The following SGCZ variants were observed in gnomAD, a reference collection of about 807,000 sequenced individuals.
The protein encoded by SGCZ is zeta-sarcoglycan.
In SGCZ, 40 loss-of-function variants were observed where a neutral mutation model predicts 41.3. That is an observed-to-expected ratio of 0.97 (90% confidence interval 0.75 to 1.26). The LOEUF (loss-of-function observed/expected upper bound fraction) is 1.26, where lower values mean the gene tolerates loss of function less well. Ranked by LOEUF, SGCZ falls within the 50% of genes most tolerant of loss-of-function variation. SGCZ has a pLI of 0.00. For missense variants in SGCZ, 552 were observed against 369.8 expected, an observed-to-expected ratio of 1.49 and a Z score of -4.04; for synonymous variants, 206 against 137.5, an observed-to-expected ratio of 1.50 and a Z score of -3.49.
chr8:15,026,109 A>C (rs1803447454), intron 1 of SGCZ, among the ~76,000 whole-genome samples: 1 of 151,948 alleles, frequency 6.6e-6, no homozygotes, highest in Non-Finnish European at 1.5e-5. Flanking sequence ...ATAGTATTCC[A>C]ATAAGGTTTG....
intron 1 of SGCZ, among the ~76,000 whole-genome samples, chr8:15,178,065 C>T (rs1159561709): frequency 6.6e-6 from 1 of 152,098 alleles, no homozygotes; most frequent in Non-Finnish European, 1.5e-5. Flanking sequence ...GTAAACATTC[C>T]ACTCTGAATT....
At chr8:14,152,173 T>TTA (rs143252255) in intron 5 of SGCZ, among the ~76,000 whole-genome samples, 26,638 of 151,616 alleles carry the variant, frequency 0.18, 3,261 homozygotes, top group East Asian at 0.63. Flanking sequence ...ATTTGCAAAC[T>TTA]TATATATATA....
intron 2 of SGCZ, among the ~76,000 whole-genome samples, chr8:14,352,940 C>A (rs1405859989): frequency 6.6e-6 from 1 of 152,062 alleles, no homozygotes; most frequent in African/African-American, 2.4e-5. Context: ...CATTTGATTT[C>A]TTTTGCTTTT....
intron 1 of SGCZ, among the ~76,000 whole-genome samples, chr8:14,590,041 T>C (rs965873567): frequency 2.6e-5 from 4 of 152,160 alleles, no homozygotes; most frequent in African/African-American, 9.7e-5. Flanking sequence ...TCCTTCTTTC[T>C]TTGCTACTTT....
At chr8:14,093,509 CA>C (rs1801751091) in intron 7 of SGCZ, among the ~76,000 whole-genome samples, 1 of 152,008 alleles carries the variant, frequency 6.6e-6, no homozygotes, top group Admixed American at 6.6e-5. Context: ...TCAAAAATAG[CA>C]AAAGCACTAT....
At chr8:14,489,082 T>C (rs1402887476) in intron 2 of SGCZ, among the ~76,000 whole-genome samples, 3 of 91,600 alleles carry the variant, frequency 3.3e-5, no homozygotes, top group Non-Finnish European at 8.0e-5. Context: ...GAACGCATCT[T>C]TTTTTTCAGG....
At chr8:14,911,584 T>C (rs1799281097) in intron 1 of SGCZ, among the ~76,000 whole-genome samples, 1 of 152,030 alleles carries the variant, frequency 6.6e-6, no homozygotes, top group South Asian at 2.1e-4. Flanking sequence ...AAATGATAAA[T>C]ACTTCACTGA....
intron 3 of SGCZ, among the ~76,000 whole-genome samples, chr8:14,300,121 A>G (rs1369087747): frequency 6.6e-6 from 1 of 152,018 alleles, no homozygotes; most frequent in Non-Finnish European, 1.5e-5. Flanking sequence ...GGAAATAGCA[A>G]CATTTTGATT....
chr8:14,322,129 T>C (rs1801936936), intron 3 of SGCZ, among the ~76,000 whole-genome samples: 1 of 152,130 alleles, frequency 6.6e-6, no homozygotes, highest in South Asian at 2.1e-4. Flanking sequence ...GAGATTTCGT[T>C]CATGTTTATT....
intron 1 of SGCZ, among the ~76,000 whole-genome samples, chr8:15,052,697 G>A (rs929558949): frequency 3.9e-5 from 6 of 152,056 alleles, no homozygotes; most frequent in South Asian, 2.1e-4. Flanking sequence ...TTATGGACAC[G>A]TGCATTTTAG....
intron 1 of SGCZ, among the ~76,000 whole-genome samples, chr8:14,998,261 G>T (rs942499241): frequency 6.6e-6 from 1 of 152,126 alleles, no homozygotes; most frequent in African/African-American, 2.4e-5. Flanking sequence ...AAACCGTTAA[G>T]AATATAACAG....
At chr8:14,941,693 T>C (rs1277186577) in intron 1 of SGCZ, among the ~76,000 whole-genome samples, 1 of 151,874 alleles carries the variant, frequency 6.6e-6, no homozygotes, top group African/African-American at 2.4e-5. Flanking sequence ...TTTAGTATTT[T>C]TCTGAATATT....
intron 3 of SGCZ, among the ~76,000 whole-genome samples, chr8:14,265,520 A>T (rs11203590): frequency 6.6e-6 from 1 of 151,898 alleles, no homozygotes; most frequent in Non-Finnish European, 1.5e-5. Context: ...TAGACAATTC[A>T]GATGTTAGCT....
chr8:14,560,522 C>T lies in SGCZ; in HGVS notation c.40-5596G>A, dbSNP rs181941963. ...CCTCACTGGCAAGTAGGAGACCTTC[C>T]CCTTGTAGAGTTGGTCTCTGAAAAT... On this transcript the variant is annotated intron_variant, in intron 1 of 7. Coordinates refer to ENST00000382080, the MANE Select transcript of SGCZ (RefSeq NM_139167.4). 7.9e-5 allele frequency among the ~76,000 whole-genome samples: 12 copies of T among 152,012 alleles called. No homozygotes were observed. In the East Asian group the frequency reaches 1.6e-3, roughly 20 times the overall value.
In SGCZ at chr8:14,760,474, C is replaced by T. The variant is rs138083519; in HGVS notation, c.40-205548G>A. Among the ~76,000 whole-genome samples, 565 of 152,204 alleles carry T rather than the reference C, an allele frequency of 3.7e-3. 4 individuals are homozygous for T. The highest frequency in any genetic ancestry group is 8.1e-3 in the African/African-American group (335 of 41,526). On this transcript the variant is annotated intron_variant, in intron 1 of 7. Coordinates refer to ENST00000382080, the MANE Select transcript of SGCZ (RefSeq NM_139167.4). ...TATATCTTTAAATTCGTTTGTCTGC[C>T]TTAATAAACCAATATATTGGAATTT...
intron 1 of SGCZ, among the ~76,000 whole-genome samples, chr8:14,799,759 T>G (rs1450026483): frequency 1.3e-5 from 2 of 152,110 alleles, no homozygotes; most frequent in African/African-American, 4.8e-5. Context: ...CAACCTTCTC[T>G]AAAACCTCAT....
chr8:15,108,035 T>C (rs1211791566), intron 1 of SGCZ, among the ~76,000 whole-genome samples: 1 of 152,224 alleles, frequency 6.6e-6, no homozygotes, highest in Non-Finnish European at 1.5e-5. Context: ...GATTTACTAA[T>C]AGTTTTTGTT....
intron 2 of SGCZ, among the ~76,000 whole-genome samples, chr8:14,352,265 T>C (rs1042262385): frequency 1.3e-5 from 2 of 152,010 alleles, no homozygotes; most frequent in Non-Finnish European, 2.9e-5. Context: ...TATCAGCTAC[T>C]GAGTGAGGAA....
rs1028025973 is a variant in SGCZ at position 14,808,319 on chromosome 8, C to T, written c.40-253393G>A. On this transcript the variant is annotated intron_variant, in intron 1 of 7. Transcript: ENST00000382080. ...AACCTACAAAATGGGAGAAAATTTTCGCAACCTACTCATCTGACAAAGGGC... is the reference window on the plus strand; with the variant it reads ...AACCTACAAAATGGGAGAAAATTTTTGCAACCTACTCATCTGACAAAGGGC... Among the ~76,000 whole-genome samples, 255 of 152,046 alleles carry T rather than the reference C, an allele frequency of 1.7e-3. 1 individual carries two copies. The highest frequency in any genetic ancestry group is 2.3e-3 in the Non-Finnish European group (159 of 67,972).
Sources: allele counts gnomAD v4.1 joint callset (sites outside exome capture counted in the v4.1 genomes callset), GRCh38; gene constraint gnomAD v4.1.1; transcripts MANE v1.5; gene names NCBI Gene and HGNC (gene_info 2026-07-23, HGNC 2026-07-21).